AUTS2: variants seen among roughly 807,000 people sequenced by gnomAD.
AUTS2 encodes the protein autism susceptibility gene 2 protein.
A neutral mutation model predicts 112.4 loss-of-function variants in AUTS2; 17 were observed. That is an observed-to-expected ratio of 0.15 (90% confidence interval 0.10 to 0.23). The LOEUF is 0.23. AUTS2 is among the 10% of genes least tolerant of loss of function. The pLI, the probability that AUTS2 is intolerant of heterozygous loss-of-function variation, is 1.00. For missense variants in AUTS2, 1,510 were observed against 1,701.6 expected, an observed-to-expected ratio of 0.89 and a Z score of 1.98; for synonymous variants, 751 against 702.7, an observed-to-expected ratio of 1.07 and a Z score of -1.09.
intron 3 of AUTS2, among the ~76,000 whole-genome samples, chr7:70,130,515 A>G (rs1489291168): frequency 7.2e-5 from 11 of 152,142 alleles, no homozygotes; most frequent in Non-Finnish European, 1.5e-4. Flanking sequence ...CAGCAGCAAC[A>G]TTCTCCCTCC....
intron 2 of AUTS2, among the ~76,000 whole-genome samples, chr7:70,061,144 C>T (rs1406824371): frequency 6.6e-6 from 1 of 152,148 alleles, no homozygotes; most frequent in African/African-American, 2.4e-5. Flanking sequence ...AGGGTTCATT[C>T]TGGTTCGTGT....
rs375423788 is a variant in AUTS2, at chr7:70,694,836, G to T, written c.691-3733G>T. 6.6e-6 allele frequency: 1 copy of T among 151,982 alleles called. No homozygotes were observed. Among genetic ancestry groups the T allele is most frequent in the African/African-American group, 2.4e-5 (1 of 41,536 alleles). The allele number at this position is 151,982 out of a possible 1,614,324, so 9.4% of individuals were successfully genotyped here. A position where few individuals can be genotyped will look rare whatever the true frequency, so the allele number is the denominator to read the frequency against. On this transcript the variant is annotated intron_variant, in intron 5 of 18. Transcript: ENST00000342771. The surrounding 1 kb of genome is among the most constrained non-coding windows in gnomAD (Gnocchi z 4.1). Reference sequence around the variant, plus strand: ...CGCCCCGAAGCTGTTGCCCGGTTCGGATCTGGTTCGGCGCCTCCGCTCTCG... The same window carrying T: ...CGCCCCGAAGCTGTTGCCCGGTTCGTATCTGGTTCGGCGCCTCCGCTCTCG...
intron 4 of AUTS2, among the ~76,000 whole-genome samples, chr7:70,234,171 G>C (rs1273233194): frequency 3.9e-5 from 6 of 152,200 alleles, no homozygotes; most frequent in Admixed American, 2.0e-4. Context: ...CTGATACTTT[G>C]ATCATTATTA....
At chr7:70,501,647 C>T (rs1489217172) in intron 5 of AUTS2, among the ~76,000 whole-genome samples, 1 of 152,056 alleles carries the variant, frequency 6.6e-6, no homozygotes, top group African/African-American at 2.4e-5. Context: ...GAACCCTCAT[C>T]CAGGCTACAT....
At chr7:70,314,778 A>T (rs1289333279) in intron 4 of AUTS2, among the ~76,000 whole-genome samples, 1 of 152,128 alleles carries the variant, frequency 6.6e-6, no homozygotes, top group Non-Finnish European at 1.5e-5. Context: ...CTGGAGAAAA[A>T]CATGTTCTTC....
chr7:70,343,603 G>A (rs1251106261), intron 4 of AUTS2, among the ~76,000 whole-genome samples: 1 of 152,162 alleles, frequency 6.6e-6, no homozygotes, highest in African/African-American at 2.4e-5. Context: ...AACACTAAGT[G>A]GTGGTTTCAA....
At chr7:70,148,616 C>G (rs919962028) in intron 4 of AUTS2, among the ~76,000 whole-genome samples, 6 of 151,764 alleles carry the variant, frequency 4.0e-5, no homozygotes, top group African/African-American at 1.2e-4. Flanking sequence ...ATTTTAAGTA[C>G]CTGGTGCAGT....
intron 1 of AUTS2, among the ~76,000 whole-genome samples, chr7:69,769,109 T>A (rs982209209): frequency 6.6e-6 from 1 of 152,232 alleles, no homozygotes; most frequent in Admixed American, 6.5e-5. Flanking sequence ...GATAATTTCA[T>A]TGAACCATGT....
Position 70,118,143 on chromosome 7 carries a change from A to G in AUTS2, c.534A>G (p.Gly178=), listed in dbSNP as rs1373713377. 1 of 1,606,984 alleles carries G rather than the reference A, an allele frequency of 6.2e-7. No homozygotes were observed. Among genetic ancestry groups the G allele is most frequent in the South Asian group, 1.1e-5 (1 of 90,024 alleles). Reference sequence around the variant, plus strand: ...TCTTTTGCCTTTAGCTCAAGCCAGGACAGAACAGCTGCAGGGACAGTGACA... The same window carrying G: ...TCTTTTGCCTTTAGCTCAAGCCAGGGCAGAACAGCTGCAGGGACAGTGACA... ...MPKALRQLKP[G]QNSCRDSDSE... is the part of the protein sequence containing the mutation. The change falls in exon 3 of 19, where the codon GGA becomes GGG. Residue 178 remains glycine (G), a synonymous_variant. Transcript: ENST00000342771.
chr7:70,784,918 G>A lies in AUTS2; in HGVS notation c.2147-24G>A, dbSNP rs372241813. On this transcript the variant is annotated intron_variant, in intron 15 of 18. Coordinates refer to ENST00000342771, the MANE Select transcript of AUTS2 (RefSeq NM_015570.4). ...CGAAGTTGGCTTTTTGTAAACTCTG[G>A]TTTCGTTATGTTTGACTTAACAGGT... The A allele has an allele frequency of 4.8e-4, 776 of 1,613,000 alleles. 1 individual carries two copies. Among genetic ancestry groups the A allele is most frequent in the Non-Finnish European group, 6.0e-4 (708 of 1,179,238 alleles).
chr7:70,197,264 C>T (rs868340656), intron 4 of AUTS2, among the ~76,000 whole-genome samples: 33 of 76,722 alleles, frequency 4.3e-4, no homozygotes, highest in Non-Finnish European at 3.0e-4. Context: ...TCTTAGTCCA[C>T]ACACACACAC....
At chr7:70,226,999 G>A (rs1192575969) in intron 4 of AUTS2, among the ~76,000 whole-genome samples, 1 of 152,118 alleles carries the variant, frequency 6.6e-6, no homozygotes, top group Non-Finnish European at 1.5e-5. Flanking sequence ...TGGGGTGAAG[G>A]TAGTTTCCTG....
intron 4 of AUTS2, among the ~76,000 whole-genome samples, chr7:70,379,420 T>G (rs902236509): frequency 6.6e-6 from 1 of 151,524 alleles, no homozygotes; most frequent in African/African-American, 2.4e-5. Flanking sequence ...GAGAATCACT[T>G]GAATCTGGGA....
chr7:70,109,655 A>G (rs1307583363), intron 2 of AUTS2, among the ~76,000 whole-genome samples: 1 of 152,240 alleles, frequency 6.6e-6, no homozygotes, highest in Admixed American at 6.5e-5. Context: ...ACGTTTTATC[A>G]TGCAGATAAA....
chr7:70,437,128 G>A (rs1164036115), intron 5 of AUTS2: 2 of 152,246 alleles, frequency 1.3e-5, no homozygotes, highest in Admixed American at 6.5e-5. Context: ...GGAAGGGTAC[G>A]CTGTGCTGTG....
intron 2 of AUTS2, among the ~76,000 whole-genome samples, chr7:70,009,376 G>GTT (rs1799693444): frequency 6.6e-6 from 1 of 152,204 alleles, no homozygotes; most frequent in Non-Finnish European, 1.5e-5. Flanking sequence ...TTAAACCATA[G>GTT]TAAGAGGGAA....
At chr7:69,771,062 G>A (rs1788642119) in intron 1 of AUTS2, among the ~76,000 whole-genome samples, 2 of 152,172 alleles carry the variant, frequency 1.3e-5, no homozygotes. Context: ...CCATGGAGGA[G>A]GATTCAGAAC....
intron 1 of AUTS2, among the ~76,000 whole-genome samples, chr7:69,882,629 T>C (rs1263444933): frequency 6.6e-6 from 1 of 152,196 alleles, no homozygotes; most frequent in Non-Finnish European, 1.5e-5. Context: ...GAACTCCTAA[T>C]ACATCCTAGG....
rs117872206 is a variant in AUTS2, at chr7:70,521,383, C to T, written c.690+85602C>T. Among the ~76,000 whole-genome samples, 85 of 152,280 alleles carry T rather than the reference C, an allele frequency of 5.6e-4. 1 individual carries two copies. In the East Asian group the frequency reaches 0.015, roughly 27 times the overall value. The stretch of plus-strand genomic sequence containing the variant: ...TACCTTTCTGGCACTATGACAGTCT[C>T]CTCATGGTGGGCAGTGGGATACCAT... On this transcript the variant is annotated intron_variant, in intron 5 of 18. Coordinates refer to ENST00000342771, the MANE Select transcript of AUTS2 (RefSeq NM_015570.4).
Sources: gnomAD v4.1 joint callset for allele counts (sites outside exome capture counted in the v4.1 genomes callset) on GRCh38, gnomAD v4.1.1 for gene constraint, Gnocchi (gnomAD v3.1) non-coding constraint, MANE v1.5 for transcripts, NCBI Gene and HGNC (gene_info 2026-07-23, HGNC 2026-07-21) for gene names.